The following POC1A variants were observed in gnomAD, a reference collection of about 807,000 sequenced individuals.
POC1A encodes POC1 centriolar protein homolog A.
POC1A carries 34 observed loss-of-function variants against 47.8 expected under a neutral mutation model. The ratio of observed to expected loss-of-function variants is 0.71; its 90% confidence interval spans 0.54 to 0.95. POC1A has a LOEUF of 0.95. POC1A is among the 40% of genes least tolerant of loss of function. The probability of loss-of-function intolerance (pLI) is 0.00; values close to 1 mark genes in which losing one functional copy is unlikely to be tolerated. For synonymous variants in POC1A, 177 were observed against 207.6 expected, an observed-to-expected ratio of 0.85 and a Z score of 1.27; for missense variants, 466 against 528.3, an observed-to-expected ratio of 0.88 and a Z score of 1.16.
intron 9 of POC1A, among the ~76,000 whole-genome samples, chr3:52,098,187 T>C (rs182987523): frequency 2.6e-5 from 4 of 152,208 alleles, no homozygotes; most frequent in African/African-American, 9.6e-5. Flanking sequence ...TCTTAAGAAA[T>C]GTTCAGTGCT....
intron 1 of POC1A, among the ~76,000 whole-genome samples, chr3:52,153,857 C>A (rs1698633945): frequency 1.3e-5 from 2 of 152,376 alleles, no homozygotes; most frequent in Admixed American, 1.3e-4. Context: ...GGGCCTTGCC[C>A]GTTCAAAGGA....
intron 8 of POC1A, among the ~76,000 whole-genome samples, chr3:52,123,965 G>A (rs190202364): frequency 5.9e-5 from 9 of 152,346 alleles, no homozygotes; most frequent in African/African-American, 2.2e-4. Flanking sequence ...TGCTAGAGCA[G>A]GACTGGTGCT....
Position 52,127,639 on chromosome 3 carries a change from C to T in POC1A, c.814-2458G>A, listed in dbSNP as rs945035880. On this transcript the variant is annotated intron_variant, in intron 7 of 10. Transcript: ENST00000296484. ...CGATCTCCTGACCCCATGATCTGCC[C>T]GTCTCGGCCTCCCAAAGTGCTGGGA... Among the ~76,000 whole-genome samples the T allele has an allele frequency of 3.3e-5, 5 of 151,742 alleles. 1 individual carries two copies. Among genetic ancestry groups the T allele is most frequent in the African/African-American group, 2.4e-5 (1 of 41,326 alleles).
At chr3:52,114,321 G>A (rs1703483696) in intron 9 of POC1A, among the ~76,000 whole-genome samples, 1 of 152,216 alleles carries the variant, frequency 6.6e-6, no homozygotes, top group Non-Finnish European at 1.5e-5. Flanking sequence ...TACATCCCAT[G>A]TAAACCGGAG....
chr3:52,151,667 T>C (rs2107214831), intron 1 of POC1A, among the ~76,000 whole-genome samples: 1 of 149,306 alleles, frequency 6.7e-6, no homozygotes, highest in Middle Eastern at 3.5e-3. Flanking sequence ...ACTTGTACAG[T>C]AAAGACGACA....
At chr3:52,102,652 G>A (rs190743490) in intron 9 of POC1A, among the ~76,000 whole-genome samples, 58 of 152,220 alleles carry the variant, frequency 3.8e-4, no homozygotes, top group Non-Finnish European at 6.8e-4. Flanking sequence ...TATCTTTCAG[G>A]GAGGCTCCCA....
intron 10 of POC1A, among the ~76,000 whole-genome samples, chr3:52,091,679 G>A (rs142526464): frequency 3.9e-5 from 6 of 152,340 alleles, no homozygotes; most frequent in Non-Finnish European, 7.3e-5. Context: ...TGGGACTTGA[G>A]TCCAGCGGTA....
chr3:52,114,492 G>A (rs555803506), intron 9 of POC1A, among the ~76,000 whole-genome samples: 14 of 152,280 alleles, frequency 9.2e-5, no homozygotes, highest in African/African-American at 3.4e-4. Flanking sequence ...ACACACACAG[G>A]GGAAGGCACG....
In POC1A at chr3:52,084,704, C is replaced by T. The variant is rs1185472407; in HGVS notation, c.1126-8719G>A. Among the ~76,000 whole-genome samples, 1 of 152,238 alleles carries T rather than the reference C, an allele frequency of 6.6e-6. No homozygotes were observed. Among genetic ancestry groups the T allele is most frequent in the African/African-American group, 2.4e-5 (1 of 41,468 alleles). On this transcript the variant is annotated intron_variant, in intron 10 of 10. Coordinates refer to ENST00000296484, the MANE Select transcript of POC1A (RefSeq NM_015426.5). This position sits in a 1 kb window ranked among gnomAD's most constrained non-coding sequence, Gnocchi z 4.3. ...GGGCAGCCCCTCTTCCCAGGGGCCTCCTGCTCACCTTGGCCAGGGCCCTTC... is the reference window on the plus strand; with the variant it reads ...GGGCAGCCCCTCTTCCCAGGGGCCTTCTGCTCACCTTGGCCAGGGCCCTTC...
At chr3:52,097,052 C>G (rs755138562) in intron 9 of POC1A, among the ~76,000 whole-genome samples, 23 of 152,230 alleles carry the variant, frequency 1.5e-4, no homozygotes, top group Middle Eastern at 3.2e-3. Flanking sequence ...TATCTTCAAG[C>G]AGCTGGCACC....
At chr3:52,109,644 T>C (rs997526371) in intron 9 of POC1A, among the ~76,000 whole-genome samples, 2 of 152,114 alleles carry the variant, frequency 1.3e-5, no homozygotes, top group African/African-American at 2.4e-5. Flanking sequence ...TTTGTCTAAG[T>C]CCACGGAACG....
At chr3:52,144,814 T>C (rs1007081301) in intron 6 of POC1A, among the ~76,000 whole-genome samples, 1 of 152,158 alleles carries the variant, frequency 6.6e-6, no homozygotes, top group Non-Finnish European at 1.5e-5. Context: ...TCACCTCTGT[T>C]ACCCCAAAGA....
intron 6 of POC1A, among the ~76,000 whole-genome samples, chr3:52,145,050 G>A (rs1314630562): frequency 6.6e-6 from 1 of 152,178 alleles, no homozygotes; most frequent in Non-Finnish European, 1.5e-5. Context: ...GTCCAGTCTT[G>A]CTCATCTCTG....
chr3:52,082,352 A>C (rs1405296600), intron 10 of POC1A, among the ~76,000 whole-genome samples: 4 of 152,190 alleles, frequency 2.6e-5, no homozygotes, highest in African/African-American at 9.6e-5. Flanking sequence ...TGCCCAACCC[A>C]GGTGACCCAA....
chr3:52,115,553 C>A (rs1041962322), intron 9 of POC1A, among the ~76,000 whole-genome samples: 1 of 152,156 alleles, frequency 6.6e-6, no homozygotes. Context: ...CCCAAAATTC[C>A]TGTGTTGAAA....
At chr3:52,131,487 C>T (rs1559840760) in intron 7 of POC1A, among the ~76,000 whole-genome samples, 2 of 152,304 alleles carry the variant, frequency 1.3e-5, no homozygotes, top group African/African-American at 4.8e-5. Context: ...GTCACACCCC[C>T]TGACCAAGAC....
intron 7 of POC1A, among the ~76,000 whole-genome samples, chr3:52,133,537 C>G (rs553769850): frequency 6.6e-6 from 1 of 152,234 alleles, no homozygotes; most frequent in Admixed American, 6.5e-5. Flanking sequence ...ATAACCTGCC[C>G]TCAACACCAG....
At chr3:52,119,155 A>C (rs1703676270) in intron 9 of POC1A, among the ~76,000 whole-genome samples, 1 of 152,090 alleles carries the variant, frequency 6.6e-6, no homozygotes, top group Admixed American at 6.6e-5. Flanking sequence ...AGTTGAACAG[A>C]GTCCTCACAC....
chr3:52,154,097 C>G (rs939725539), intron 1 of POC1A, among the ~76,000 whole-genome samples: 5 of 152,382 alleles, frequency 3.3e-5, no homozygotes, highest in Non-Finnish European at 5.9e-5. Context: ...GGTCGTGTGT[C>G]CCTCGCTAGG....
Sources: gnomAD v4.1 joint callset for allele counts (sites outside exome capture counted in the v4.1 genomes callset) on GRCh38, gnomAD v4.1.1 for gene constraint, Gnocchi (gnomAD v3.1) non-coding constraint, MANE v1.5 for transcripts, NCBI Gene and HGNC (gene_info 2026-07-23, HGNC 2026-07-21) for gene names.